The following COBLL1 variants were observed in gnomAD, a reference collection of about 807,000 sequenced individuals.
COBLL1 encodes the protein cordon-bleu protein-like 1.
In COBLL1, 50 loss-of-function variants were observed where a neutral mutation model predicts 94.8. The ratio of observed to expected loss-of-function variants is 0.53; its 90% CI spans 0.42 to 0.67. The LOEUF (loss-of-function observed/expected upper bound fraction) is 0.67. Ranked by LOEUF, COBLL1 falls within the 30% of genes least tolerant of loss-of-function variation. COBLL1 has a pLI of 0.00. For synonymous variants in COBLL1, 448 were observed against 473.8 expected, an observed-to-expected ratio of 0.95 and a Z score of 0.71; for missense variants, 1,362 against 1,348.7, an observed-to-expected ratio of 1.01 and a Z score of -0.15.
chr2:164,796,649 A>G (rs1683471704), intron 2 of COBLL1, among the ~76,000 whole-genome samples: 1 of 148,458 alleles, frequency 6.7e-6, no homozygotes, highest in South Asian at 2.1e-4. Context: ...TGTTCAGGCA[A>G]CCAAGCTCCT....
intron 11 of COBLL1, chr2:164,697,608 A>G (rs1684023813): frequency 6.6e-6 from 1 of 152,180 alleles, no homozygotes; most frequent in Non-Finnish European, 1.5e-5. Context: ...CAAAAGAAAG[A>G]AAGTCAATGT....
chr2:164,737,429 A>T (rs779660370), intron 3 of COBLL1, among the ~76,000 whole-genome samples: 14 of 152,126 alleles, frequency 9.2e-5, no homozygotes, highest in Non-Finnish European at 1.5e-4. Flanking sequence ...AAACTCAAAT[A>T]GTACCGATTA....
At chr2:164,661,028 A>G (rs1435920968) in intron 2 of COBLL1, among the ~76,000 whole-genome samples, 1 of 152,198 alleles carries the variant, frequency 6.6e-6, no homozygotes, top group African/African-American at 2.4e-5. Flanking sequence ...TGTGCCAAAC[A>G]TAAAAATTAC....
intron 2 of COBLL1, among the ~76,000 whole-genome samples, chr2:164,749,490 G>C (rs1371310934): frequency 6.6e-6 from 1 of 152,100 alleles, no homozygotes; most frequent in Non-Finnish European, 1.5e-5. Flanking sequence ...AAAATAACTG[G>C]CAGTGTTTTG....
rs971205309 is a variant in COBLL1 at position 164,694,278 on chromosome 2, C to G, written c.3114G>C (p.Val1038=). ...NKFVDIPQLG[V]SDKENNSAHN... is the part of the protein sequence containing the mutation. ...AAAAGGCTACAGTTACCTTATCAGA[C>G]ACACCAAGCTGTGGGATGTCCACAA... is the stretch of plus-strand genomic sequence containing the variant. Residue 1038 remains valine, a synonymous_variant, in exon 12 of 14, where the codon GTG becomes GTC. Transcript: ENST00000652658. 6.8e-6 allele frequency: 11 copies of G among 1,612,488 alleles called. No homozygotes were observed. In the African/African-American group the frequency reaches 1.5e-4, roughly 22 times the overall value.
At chr2:164,741,889 T>C (rs1686618408) in intron 3 of COBLL1, among the ~76,000 whole-genome samples, 1 of 152,100 alleles carries the variant, frequency 6.6e-6, no homozygotes, top group South Asian at 2.1e-4. Flanking sequence ...TAAATTAGAC[T>C]TGAGGAGGAT....
intron 2 of COBLL1, among the ~76,000 whole-genome samples, chr2:164,805,638 G>A (rs2105329666): frequency 6.6e-6 from 1 of 151,752 alleles, no homozygotes; most frequent in African/African-American, 2.4e-5. Flanking sequence ...ATTTAAGGTT[G>A]CTCCATGTCT....
At chr2:164,720,921 T>C (rs1443816923) in intron 7 of COBLL1, among the ~76,000 whole-genome samples, 1 of 152,260 alleles carries the variant, frequency 6.6e-6, no homozygotes, top group Non-Finnish European at 1.5e-5. Context: ...TGAGATTGGA[T>C]GAGATTTTAT....
intron 2 of COBLL1, among the ~76,000 whole-genome samples, chr2:164,833,296 A>G (rs779412601): frequency 8.6e-5 from 13 of 151,560 alleles, no homozygotes; most frequent in African/African-American, 2.7e-4. Context: ...AGAGGTTGCA[A>G]TGAGCCGAGA....
At chr2:164,789,126 T>C (rs1683042135) in intron 2 of COBLL1, among the ~76,000 whole-genome samples, 1 of 151,584 alleles carries the variant, frequency 6.6e-6, no homozygotes, top group Non-Finnish European at 1.5e-5. Context: ...GAGGATCACT[T>C]AAGCATAGGA....
intron 12 of COBLL1, among the ~76,000 whole-genome samples, chr2:164,692,889 G>A (rs1235922756): frequency 6.6e-6 from 1 of 152,128 alleles, no homozygotes; most frequent in Non-Finnish European, 1.5e-5. Flanking sequence ...TAATTACTAT[G>A]CTACACTTAG....
intron 5 of COBLL1, chr2:164,727,135 A>G (rs1463054404): frequency 1.1e-5 from 16 of 1,505,740 alleles, no homozygotes; most frequent in Non-Finnish European, 1.4e-5. Context: ...GAAGACAGTA[A>G]CAGAAGTGGC....
chr2:164,805,335 CTCTATATA>C (rs1437924764), intron 2 of COBLL1, among the ~76,000 whole-genome samples: 1 of 19,840 alleles, frequency 5.0e-5, no homozygotes, highest in Non-Finnish European at 9.1e-5. Flanking sequence ...CTCTCTCTCT[CTCTATATA>C]TATATATATA....
chr2:164,831,645 G>C (rs1203716536), intron 2 of COBLL1, among the ~76,000 whole-genome samples: 1 of 151,904 alleles, frequency 6.6e-6, no homozygotes, highest in African/African-American at 2.4e-5. Context: ...CAGTGTAGCA[G>C]GACAGTTTGC....
At chr2:164,823,517 C>T (rs1361060885) in intron 2 of COBLL1, among the ~76,000 whole-genome samples, 1 of 152,180 alleles carries the variant, frequency 6.6e-6, no homozygotes, top group Non-Finnish European at 1.5e-5. Flanking sequence ...AGATTAATAA[C>T]CAGAACTCCT....
chr2:164,748,395 C>T (rs1426044104), intron 2 of COBLL1, among the ~76,000 whole-genome samples: 4 of 151,906 alleles, frequency 2.6e-5, no homozygotes, highest in Non-Finnish European at 2.9e-5. Flanking sequence ...AAATTGTCAC[C>T]CAAAGTTAAA....
intron 2 of COBLL1, among the ~76,000 whole-genome samples, chr2:164,785,030 C>G (rs564155763): frequency 5.1e-4 from 78 of 152,200 alleles, no homozygotes; most frequent in African/African-American, 1.8e-3. Context: ...CAGGTGGGCT[C>G]TCTTGCTCTT....
Position 164,801,438 on chromosome 2 carries a change from CAAAAAAAAAAAAAAA to C in COBLL1, c.41+39703_41+39717del, listed in dbSNP as rs143505097. Among the ~76,000 whole-genome samples, 9 of 28,186 alleles carry C rather than the reference CAAAAAAAAAAAAAAA, an allele frequency of 3.2e-4. No individual in the cohort carries two copies. In the Admixed American group the frequency reaches 4.7e-3, roughly 15 times the overall value. The allele number at this position is 28,186 out of a possible 152,430, so 18.5% of individuals were successfully genotyped here. On this transcript the variant is annotated intron_variant, in intron 2 of 13. Coordinates refer to ENST00000652658, the MANE Select transcript of COBLL1 (RefSeq NM_001365672.2). The stretch of plus-strand genomic sequence containing the variant: ...TGGGCGACAGAGCGAGACTCCGTCT[CAAAAAAAAAAAAAAA>C]AAAAAAAAAAAAAAAAGCTTAGCTA...
chr2:164,662,129 G>T (rs2105382683), intron 2 of COBLL1, among the ~76,000 whole-genome samples: 1 of 152,282 alleles, frequency 6.6e-6, no homozygotes, highest in Admixed American at 6.5e-5. Flanking sequence ...GTATGGAAAA[G>T]TTAGATGGAG....
Sources: allele counts gnomAD v4.1 joint callset (sites outside exome capture counted in the v4.1 genomes callset), GRCh38; gene constraint gnomAD v4.1.1; transcripts MANE v1.5; gene names NCBI Gene and HGNC (gene_info 2026-07-23, HGNC 2026-07-21).